The following PTPRG variants were observed in gnomAD, a reference collection of about 807,000 sequenced individuals.
The protein encoded by PTPRG is protein tyrosine phosphatase receptor type G, also known as receptor-type tyrosine-protein phosphatase gamma.
A neutral mutation model predicts 165.3 loss-of-function variants in PTPRG; 102 were observed. The observed-to-expected ratio is 0.62, with a 90% CI of 0.53 to 0.73. The LOEUF is 0.73. Ranked by LOEUF, PTPRG falls within the 30% of genes least tolerant of loss-of-function variation. The probability of loss-of-function intolerance (pLI) is 0.00; values close to 1 mark genes in which losing one functional copy is unlikely to be tolerated. For missense variants in PTPRG, 1,866 were observed against 1,861.4 expected, an observed-to-expected ratio of 1.00 and a Z score of -0.05; for synonymous variants, 675 against 669.5, an observed-to-expected ratio of 1.01 and a Z score of -0.13.
At chr3:61,675,657 T>C (rs994315043) in intron 1 of PTPRG, among the ~76,000 whole-genome samples, 2 of 152,316 alleles carry the variant, frequency 1.3e-5, no homozygotes, top group East Asian at 3.9e-4. Flanking sequence ...ATAATTGATA[T>C]GGTATTTGAT....
At chr3:61,646,281 G>A (rs753336005) in intron 1 of PTPRG, among the ~76,000 whole-genome samples, 1 of 151,826 alleles carries the variant, frequency 6.6e-6, no homozygotes, top group Non-Finnish European at 1.5e-5. Context: ...GGCTAATTTT[G>A]TGTATTTTTG....
intron 2 of PTPRG, among the ~76,000 whole-genome samples, chr3:61,859,582 T>G (rs2037203393): frequency 6.6e-6 from 1 of 151,642 alleles, no homozygotes; most frequent in African/African-American, 2.4e-5. Context: ...GAGAGTTTCT[T>G]ATTTGAGATC....
intron 1 of PTPRG, among the ~76,000 whole-genome samples, chr3:61,634,705 T>C (rs1397784224): frequency 7.2e-5 from 11 of 152,210 alleles, no homozygotes; most frequent in Non-Finnish European, 1.6e-4. Flanking sequence ...CCTCTTCTCC[T>C]GTGAGGTCAC....
At chr3:61,752,986 C>T (rs2033503558) in intron 2 of PTPRG, among the ~76,000 whole-genome samples, 2 of 151,906 alleles carry the variant, frequency 1.3e-5, no homozygotes, top group South Asian at 4.2e-4. Context: ...TAAACTTTAC[C>T]TTTATAGGCC....
At chr3:62,039,736 TG>T (rs1428392243) in intron 4 of PTPRG, among the ~76,000 whole-genome samples, 1 of 152,238 alleles carries the variant, frequency 6.6e-6, no homozygotes, top group Non-Finnish European at 1.5e-5. Context: ...CTCCTGCAGC[TG>T]GTGAGCCTTA....
chr3:61,896,174 G>A (rs969904354), intron 2 of PTPRG, among the ~76,000 whole-genome samples: 2 of 151,984 alleles, frequency 1.3e-5, no homozygotes, highest in African/African-American at 4.8e-5. Flanking sequence ...ATACCATAAG[G>A]ATCCCTCATG....
At chr3:61,655,139 G>A (rs1246942749) in intron 1 of PTPRG, among the ~76,000 whole-genome samples, 4 of 152,082 alleles carry the variant, frequency 2.6e-5, no homozygotes, top group Admixed American at 2.0e-4. Flanking sequence ...TGGTTGCCTG[G>A]TGAGTCATCC....
In PTPRG at chr3:62,255,626, G is replaced by A. The variant is rs983514482; in HGVS notation, c.2559+411G>A. Among the ~76,000 whole-genome samples the A allele has an allele frequency of 1.3e-5, 2 of 152,152 alleles. 1 individual carries two copies. Among genetic ancestry groups the A allele is most frequent in the Non-Finnish European group, 2.9e-5 (2 of 68,026 alleles). On this transcript the variant is annotated intron_variant, in intron 16 of 29. Transcript: ENST00000474889. The surrounding 1 kb of genome is among the most constrained non-coding windows in gnomAD (Gnocchi z 4.0). The stretch of plus-strand genomic sequence containing the variant: ...GAGAAACTGGGTGCTGGCTTCATCA[G>A]TAGTGAGCTTCATAATCCTCAGACC...
intron 12 of PTPRG, among the ~76,000 whole-genome samples, chr3:62,209,886 C>G (rs753216374): frequency 6.6e-6 from 1 of 152,156 alleles, no homozygotes; most frequent in Non-Finnish European, 1.5e-5. Flanking sequence ...GTCAAGAATT[C>G]AGGTTGCAGC....
In PTPRG at chr3:61,835,761, G is replaced by A. The variant is rs573371857; in HGVS notation, c.190+86779G>A. 1.4e-4 allele frequency among the ~76,000 whole-genome samples: 21 copies of A among 151,932 alleles called. 1 individual carries two copies. The highest frequency in any genetic ancestry group is 4.6e-4 in the Admixed American group (7 of 15,264). On this transcript the variant is annotated intron_variant, in intron 2 of 29. Coordinates refer to ENST00000474889, the MANE Select transcript of PTPRG (RefSeq NM_002841.4). ...ATGTTAAAATATACACACGTGGGCCGGGCACAGTGGCTCACACCTGTAATC... is the reference window on the plus strand; with the variant it reads ...ATGTTAAAATATACACACGTGGGCCAGGCACAGTGGCTCACACCTGTAATC...
At chr3:62,137,337 A>T (rs9817329) in intron 6 of PTPRG, among the ~76,000 whole-genome samples, 1,727 of 151,894 alleles carry the variant, frequency 0.011, 33 homozygotes, top group African/African-American at 0.04. Context: ...CCATTTTTTA[A>T]AAAAAAAATC....
At chr3:62,220,873 C>G (rs1307030126) in intron 13 of PTPRG, among the ~76,000 whole-genome samples, 1 of 152,134 alleles carries the variant, frequency 6.6e-6, no homozygotes, top group African/African-American at 2.4e-5. Flanking sequence ...ACAGCTGCCA[C>G]AGCATAAAGA....
At chr3:61,644,223 CT>C (rs1372703415) in intron 1 of PTPRG, among the ~76,000 whole-genome samples, 4 of 152,194 alleles carry the variant, frequency 2.6e-5, no homozygotes, top group Admixed American at 2.6e-4. Flanking sequence ...CCAAAGTTAA[CT>C]TTGGAGCTTT....
chr3:61,658,175 C>T (rs1237072971), intron 1 of PTPRG, among the ~76,000 whole-genome samples: 1 of 152,214 alleles, frequency 6.6e-6, no homozygotes, highest in Non-Finnish European at 1.5e-5. Context: ...GTTTGGTTGT[C>T]TTCAAGCTCA....
At chr3:61,794,178 C>A (rs1444601700) in intron 2 of PTPRG, among the ~76,000 whole-genome samples, 2 of 152,004 alleles carry the variant, frequency 1.3e-5, no homozygotes, top group African/African-American at 4.8e-5. Flanking sequence ...GTTTTCCACC[C>A]CCATCTCCAT....
chr3:62,040,225 C>G (rs554733667), intron 4 of PTPRG, among the ~76,000 whole-genome samples: 277 of 152,294 alleles, frequency 1.8e-3, no homozygotes, highest in Non-Finnish European at 8.5e-4. Context: ...AAAGTACATT[C>G]CAAGTTTCAC....
intron 1 of PTPRG, among the ~76,000 whole-genome samples, chr3:61,671,118 C>G (rs1229500309): frequency 2.0e-5 from 3 of 148,248 alleles, no homozygotes; most frequent in African/African-American, 7.5e-5. Flanking sequence ...TAGGACTTCT[C>G]CTGATACTGT....
In PTPRG at chr3:62,097,423, T is replaced by G. The variant is rs1702154588; in HGVS notation, c.615+19165T>G. ...TCTAAAGGACTGTGGTCTGACATTTTCACGTAAAATAAACTAACACTCATA... is the reference window on the plus strand; with the variant it reads ...TCTAAAGGACTGTGGTCTGACATTTGCACGTAAAATAAACTAACACTCATA... On this transcript the variant is annotated intron_variant, in intron 5 of 29. Coordinates refer to ENST00000474889, the MANE Select transcript of PTPRG (RefSeq NM_002841.4). 3.3e-5 allele frequency among the ~76,000 whole-genome samples: 5 copies of G among 152,114 alleles called. No individual in the cohort carries two copies. The South Asian group carries it at 1.0e-3, about 32-fold the overall frequency.
chr3:61,657,195 G>C (rs1034358745), intron 1 of PTPRG, among the ~76,000 whole-genome samples: 1 of 152,144 alleles, frequency 6.6e-6, no homozygotes, highest in Non-Finnish European at 1.5e-5. Context: ...AGCCAGCAAG[G>C]CTTGTTTTGT....
Sources: gnomAD v4.1 joint callset for allele counts (sites outside exome capture counted in the v4.1 genomes callset) on GRCh38, gnomAD v4.1.1 for gene constraint, Gnocchi (gnomAD v3.1) non-coding constraint, MANE v1.5 for transcripts, NCBI Gene and HGNC (gene_info 2026-07-23, HGNC 2026-07-21) for gene names.